The following NCKAP1 variants were observed in gnomAD, a reference collection of about 807,000 sequenced individuals.
NCKAP1 encodes the protein nck-associated protein 1.
Under a neutral mutation model 151.2 loss-of-function variants are expected in NCKAP1, and 21 were observed. That is an observed-to-expected ratio of 0.14 (90% CI 0.10 to 0.20). The LOEUF (loss-of-function observed/expected upper bound fraction) is 0.20, where lower values mean the gene tolerates loss of function less well. Ranked by LOEUF, NCKAP1 falls within the 10% of genes least tolerant of loss-of-function variation. The pLI is 1.00. For missense variants in NCKAP1, 933 were observed against 1,352.1 expected (o/e 0.69, Z 4.86); for synonymous variants, 484 against 451.8 (o/e 1.07, Z -0.90).
Position 182,983,283 on chromosome 2 carries a change from T to C in NCKAP1, c.1101+3A>G. ...TTATTGAAATAATAATTAAATGAAT[T>C]ACCTTGGGACCTAGCAATCCAGGTT... On this transcript the variant is annotated splice_donor_region_variant and intron_variant, in intron 11 of 30. Coordinates refer to ENST00000361354, the MANE Select transcript of NCKAP1 (RefSeq NM_013436.5). 6.4e-7 allele frequency: 1 copy of C among 1,570,362 alleles called. No homozygotes were observed. The highest frequency in any genetic ancestry group is 8.7e-7 in the Non-Finnish European group (1 of 1,153,030).
intron 8 of NCKAP1, among the ~76,000 whole-genome samples, chr2:182,989,489 A>G (rs1409253237): frequency 1.3e-5 from 2 of 152,224 alleles, no homozygotes; most frequent in Non-Finnish European, 2.9e-5. Context: ...TCAACCAAAG[A>G]TCAGAAATTT....
intron 29 of NCKAP1, 79 bp from the exon 30 acceptor site, chr2:182,926,984 T>A (rs2105796440): frequency 1.1e-6 from 1 of 917,976 alleles, no homozygotes. Context: ...TGTTTCAACT[T>A]CCAACACATT....
rs537268611 is a variant in NCKAP1, at chr2:182,969,920, A to C, written c.1483-2559T>G. 4.5e-4 allele frequency among the ~76,000 whole-genome samples: 69 copies of C among 152,084 alleles called. 1 individual carries two copies. In the South Asian group the frequency reaches 0.012, roughly 27 times the overall value. On this transcript the variant is annotated intron_variant, in intron 15 of 30. Coordinates refer to ENST00000361354, the MANE Select transcript of NCKAP1 (RefSeq NM_013436.5). The stretch of plus-strand genomic sequence containing the variant: ...TTAAGAAAAAAAGAAAGAAGACCCC[A>C]AAAAAATCAGAAATAGAAAAGGAGA...
Position 183,005,179 on chromosome 2 carries a change from T to G in NCKAP1, c.220-1854A>C, listed in dbSNP as rs1052037821. ...TTCCTGCTTTTCAGTACTTTAAACT[T>G]GAGTTTCAAAATACAACAGGTGAAA... On this transcript the variant is annotated intron_variant, in intron 2 of 30. Transcript: ENST00000361354. Among the ~76,000 whole-genome samples the G allele has an allele frequency of 1.1e-4, 16 of 152,286 alleles. No individual in the cohort carries two copies. In the East Asian group the frequency reaches 3.1e-3, roughly 29 times the overall value.
intron 2 of NCKAP1, among the ~76,000 whole-genome samples, chr2:183,005,913 A>G (rs985217194): frequency 3.9e-5 from 6 of 152,160 alleles, no homozygotes; most frequent in Admixed American, 3.3e-4. Context: ...CCATTTTCAG[A>G]AAACCGCACC....
intron 1 of NCKAP1, among the ~76,000 whole-genome samples, chr2:183,032,617 T>C (rs755052318): frequency 7.2e-5 from 11 of 152,202 alleles, no homozygotes; most frequent in Non-Finnish European, 1.3e-4. Context: ...ATGGGACTAC[T>C]GTGTATAGGC....
chr2:182,989,324 A>G (rs1486470566), intron 8 of NCKAP1, 138 bp from the exon 9 acceptor site: 3 of 609,414 alleles, frequency 4.9e-6, no homozygotes, highest in Non-Finnish European at 2.8e-6. Context: ...AACAATACAT[A>G]TGTATAAACC....
In NCKAP1 at chr2:182,922,245, G is replaced by T. The variant is rs1696561714; in HGVS notation, c.*3457C>A. 1 of 152,212 alleles carries T rather than the reference G, an allele frequency of 6.6e-6. No homozygotes were observed. The highest frequency in any genetic ancestry group is 2.4e-5 in the African/African-American group (1 of 41,462). 9.4% of individuals were successfully genotyped at this position (152,212 alleles called of 1,614,324 possible). A position where few individuals can be genotyped will look rare whatever the true frequency, so the allele number is the denominator to read the frequency against. On this transcript the variant is annotated 3_prime_UTR_variant, in exon 31 of 31. Coordinates refer to ENST00000361354, the MANE Select transcript of NCKAP1 (RefSeq NM_013436.5). Reference sequence around the variant, plus strand: ...GTAGGTTACAATTCACTACCTTACAGAATTTGGGCTTCATTTAGAAGGCCT... The same window carrying T: ...GTAGGTTACAATTCACTACCTTACATAATTTGGGCTTCATTTAGAAGGCCT...
chr2:183,014,979 C>T (rs1293883861), intron 2 of NCKAP1, among the ~76,000 whole-genome samples: 2 of 152,194 alleles, frequency 1.3e-5, no homozygotes, highest in East Asian at 3.9e-4. Flanking sequence ...CAAGACATAA[C>T]TTCAGGAAAT....
At chr2:182,933,312 A>G (rs1215913769) in intron 26 of NCKAP1, among the ~76,000 whole-genome samples, 1 of 152,066 alleles carries the variant, frequency 6.6e-6, no homozygotes, top group Non-Finnish European at 1.5e-5. Context: ...AAAAAGAGGG[A>G]CAGAGTAAGA....
intron 16 of NCKAP1, among the ~76,000 whole-genome samples, chr2:182,966,698 C>A (rs1474656615): frequency 6.6e-6 from 1 of 152,126 alleles, no homozygotes; most frequent in African/African-American, 2.4e-5. Flanking sequence ...TTAAGGACCA[C>A]ATTTTCTGGG....
chr2:182,987,925 A>C (rs867394862), intron 9 of NCKAP1, among the ~76,000 whole-genome samples: 2 of 152,114 alleles, frequency 1.3e-5, no homozygotes, highest in Admixed American at 6.6e-5. Context: ...GACCAGAAAG[A>C]AGCACAAAAG....
At chr2:183,001,303 C>T (rs115542384) in intron 6 of NCKAP1, among the ~76,000 whole-genome samples, 4 of 152,236 alleles carry the variant, frequency 2.6e-5, no homozygotes, top group Non-Finnish European at 5.9e-5. Context: ...TATGAATTTC[C>T]TTGAAGTGTT....
Position 182,978,883 on chromosome 2 carries a change from G to T in NCKAP1, c.1374C>A (p.Ile458=). ...TAGTGTTAACAAAAGAGGACATGAT[G>T]ATTGATTCATCTTCAGGGCAAACAG... ...NLSVCPEDES[I]IMSSFVNTMT... Residue 458 remains isoleucine, a synonymous_variant, in exon 14 of 31, where the codon ATC becomes ATA. Transcript: ENST00000361354. 1.2e-6 allele frequency: 2 copies of T among 1,608,572 alleles called. No homozygotes were observed. Among genetic ancestry groups the T allele is most frequent in the South Asian group, 2.2e-5 (2 of 90,490 alleles).
At chr2:182,935,067 G>GA in intron 25 of NCKAP1, among the ~76,000 whole-genome samples, 1 of 152,204 alleles carries the variant, frequency 6.6e-6, no homozygotes, top group African/African-American at 2.4e-5. Flanking sequence ...GAAGATCACT[G>GA]AAAAAGTAGT....
chr2:182,975,332 A>G (rs1227277378), intron 15 of NCKAP1, among the ~76,000 whole-genome samples: 1 of 152,190 alleles, frequency 6.6e-6, no homozygotes, highest in Non-Finnish European at 1.5e-5. Flanking sequence ...CTGGTAAGGT[A>G]TTTAATGCTT....
At chr2:182,962,378 T>C in intron 17 of NCKAP1, 100 bp from the exon 18 acceptor site, 6 of 1,177,266 alleles carry the variant, frequency 5.1e-6, no homozygotes, top group Non-Finnish European at 7.0e-6. Flanking sequence ...TAAAGGTACA[T>C]TCCGCAATAG....
chr2:182,971,132 C>T (rs552060840), intron 15 of NCKAP1, among the ~76,000 whole-genome samples: 2 of 152,184 alleles, frequency 1.3e-5, no homozygotes, highest in East Asian at 1.9e-4. Flanking sequence ...CGGTGGCTCA[C>T]GCCTGTAATC....
chr2:182,975,929 A>AT (rs907705634), intron 15 of NCKAP1, among the ~76,000 whole-genome samples: 12 of 152,110 alleles, frequency 7.9e-5, no homozygotes, highest in Admixed American at 2.0e-4. Flanking sequence ...ATAAGTAAAT[A>AT]TTTTTTTAAA....
Sources: gnomAD v4.1 joint callset for allele counts (sites outside exome capture counted in the v4.1 genomes callset) on GRCh38, gnomAD v4.1.1 for gene constraint, MANE v1.5 for transcripts, NCBI Gene and HGNC (gene_info 2026-07-23, HGNC 2026-07-21) for gene names.